Variants in PPP2R2B observed in about 807,000 individuals in gnomAD.
The protein encoded by PPP2R2B is serine/threonine-protein phosphatase 2A 55 kDa regulatory subunit B beta isoform.
In PPP2R2B, 5 loss-of-function variants were observed where a neutral mutation model predicts 46.0. That is an observed-to-expected ratio of 0.11 (90% CI 0.06 to 0.23). The LOEUF (loss-of-function observed/expected upper bound fraction) is 0.23. PPP2R2B is among the 10% of genes least tolerant of loss of function. The pLI, the probability that PPP2R2B is intolerant of heterozygous loss-of-function variation, is 1.00. For synonymous variants in PPP2R2B, 215 were observed against 206.7 expected, an observed-to-expected ratio of 1.04 and a Z score of -0.34; for missense variants, 367 against 575.0, an observed-to-expected ratio of 0.64 and a Z score of 3.70.
chr5:147,026,012 C>T (rs1755510999), intron 1 of PPP2R2B, among the ~76,000 whole-genome samples: 1 of 152,084 alleles, frequency 6.6e-6, no homozygotes, highest in African/African-American at 2.4e-5. Context: ...GGAACTGGAA[C>T]TTTCATACAT....
intron 1 of PPP2R2B, among the ~76,000 whole-genome samples, chr5:146,896,677 T>C (rs767262255): frequency 6.5e-4 from 99 of 152,108 alleles, no homozygotes; most frequent in Middle Eastern, 3.2e-3. Flanking sequence ...TTTAAGCCCA[T>C]TTCTTTCTTC....
At chr5:146,809,544 G>A (rs565709114) in intron 2 of PPP2R2B, among the ~76,000 whole-genome samples, 1 of 152,236 alleles carries the variant, frequency 6.6e-6, no homozygotes, top group South Asian at 2.1e-4. Flanking sequence ...TTTAGAGGGA[G>A]TGGTCAGAGA....
At chr5:146,600,520 G>A in intron 7 of PPP2R2B, 60 bp from the exon 8 acceptor site, 1 of 1,539,234 alleles carries the variant, frequency 6.5e-7, no homozygotes, top group Non-Finnish European at 8.9e-7. Context: ...ACTCTAACAT[G>A]TTTGGACTGG....
chr5:146,920,235 G>A (rs768746340), intron 1 of PPP2R2B, among the ~76,000 whole-genome samples: 4 of 152,168 alleles, frequency 2.6e-5, no homozygotes, highest in Non-Finnish European at 4.4e-5. Context: ...TTTAAATTTA[G>A]TGGCAAAAGC....
At chr5:146,870,905 C>T (rs1009892437) in intron 2 of PPP2R2B, among the ~76,000 whole-genome samples, 9 of 152,210 alleles carry the variant, frequency 5.9e-5, no homozygotes, top group Admixed American at 5.2e-4. Flanking sequence ...CAGGATGACC[C>T]TTTCTCCAAA....
intron 2 of PPP2R2B, among the ~76,000 whole-genome samples, chr5:146,766,735 C>T (rs997036261): frequency 2.6e-5 from 4 of 152,018 alleles, no homozygotes; most frequent in East Asian, 1.9e-4. Flanking sequence ...ACCACAACAC[C>T]GTGGGCCCTA....
chr5:147,011,705 G>A (rs1250023652), intron 1 of PPP2R2B, among the ~76,000 whole-genome samples: 2 of 150,364 alleles, frequency 1.3e-5, no homozygotes, highest in Non-Finnish European at 3.0e-5. Context: ...TATGATATTG[G>A]CTGTGGGTTT....
At chr5:146,917,424 A>G (rs1230257640) in intron 1 of PPP2R2B, among the ~76,000 whole-genome samples, 3 of 152,192 alleles carry the variant, frequency 2.0e-5, no homozygotes, top group Non-Finnish European at 4.4e-5. Flanking sequence ...GTAAAAGGTC[A>G]TTCCTTGTAC....
At chr5:146,591,218 G>T in intron 9 of PPP2R2B, among the ~76,000 whole-genome samples, 1 of 152,138 alleles carries the variant, frequency 6.6e-6, no homozygotes, top group East Asian at 1.9e-4. Context: ...AGGAACTCTC[G>T]TGTATTTCTC....
chr5:146,642,407 C>T (rs894610044), intron 6 of PPP2R2B, among the ~76,000 whole-genome samples: 5 of 151,934 alleles, frequency 3.3e-5, no homozygotes, highest in African/African-American at 1.2e-4. Context: ...TTCCTAATCC[C>T]AAGTTTAGAA....
intron 3 of PPP2R2B, among the ~76,000 whole-genome samples, chr5:146,700,526 G>C (rs760331598): frequency 5.3e-5 from 8 of 152,248 alleles, no homozygotes; most frequent in Admixed American, 1.3e-4. Context: ...GTCACCTACA[G>C]TGATACTGTG....
intron 1 of PPP2R2B, among the ~76,000 whole-genome samples, chr5:146,908,372 A>T (rs1763068735): frequency 1.3e-5 from 2 of 152,190 alleles, no homozygotes; most frequent in South Asian, 4.1e-4. Flanking sequence ...CTCAACAGGC[A>T]CACATATTCT....
At chr5:146,603,666 T>C (rs1390795764) in intron 7 of PPP2R2B, among the ~76,000 whole-genome samples, 1 of 152,248 alleles carries the variant, frequency 6.6e-6, no homozygotes, top group East Asian at 1.9e-4. Context: ...CTTCCTTGGG[T>C]AATAGCATTT....
chr5:146,902,159 C>T (rs1460173939), intron 1 of PPP2R2B, among the ~76,000 whole-genome samples: 2 of 152,090 alleles, frequency 1.3e-5, no homozygotes, highest in African/African-American at 2.4e-5. Context: ...ATCTTCCTTG[C>T]CCCCAAAGTC....
chr5:146,857,102 G>A (rs527251186), intron 2 of PPP2R2B, among the ~76,000 whole-genome samples: 3 of 152,290 alleles, frequency 2.0e-5, no homozygotes, highest in African/African-American at 7.2e-5. Flanking sequence ...AGGATACTCA[G>A]CGTTTGGGGT....
In PPP2R2B at chr5:146,864,396, CAAAAAAAA is replaced by C. The variant is rs34780019; in HGVS notation, c.70+13598_70+13605del. Among the ~76,000 whole-genome samples, 252 of 31,304 alleles carry C rather than the reference CAAAAAAAA, an allele frequency of 8.1e-3. 1 individual carries two copies. Among genetic ancestry groups the C allele is most frequent in the African/African-American group, 0.03 (241 of 7,938 alleles). 20.5% of individuals were successfully genotyped at this position (31,304 alleles called of 152,430 possible). A position where few individuals can be genotyped will look rare whatever the true frequency, so the allele number is the denominator to read the frequency against. Reference sequence around the variant, plus strand: ...TCATTCAACCACACATAGTATTAACCAAAAAAAAAAAAAAAAAAAAAAAAAAGCACAGC... The same window carrying C: ...TCATTCAACCACACATAGTATTAACCAAAAAAAAAAAAAAAAAAGCACAGC... On this transcript the variant is annotated intron_variant, in intron 2 of 9. Coordinates refer to ENST00000394411, the MANE Select transcript of PPP2R2B (RefSeq NM_181675.4).
At chr5:146,895,378 T>C (rs1356257185) in intron 1 of PPP2R2B, among the ~76,000 whole-genome samples, 2 of 152,246 alleles carry the variant, frequency 1.3e-5, no homozygotes, top group African/African-American at 4.8e-5. Flanking sequence ...TCTATGTCTA[T>C]GAATGTTTAT....
intron 2 of PPP2R2B, among the ~76,000 whole-genome samples, chr5:146,732,580 C>T (rs1042044261): frequency 2.6e-5 from 4 of 152,162 alleles, no homozygotes; most frequent in African/African-American, 9.6e-5. Context: ...AAACCATGCT[C>T]ATGGTAAAAC....
chr5:146,890,127 C>T (rs967259716), intron 1 of PPP2R2B, among the ~76,000 whole-genome samples: 1 of 152,204 alleles, frequency 6.6e-6, no homozygotes, highest in African/African-American at 2.4e-5. Context: ...ATTAAGTTGG[C>T]TTAACTCTCC....
Sources: gnomAD v4.1 joint callset for allele counts (sites outside exome capture counted in the v4.1 genomes callset) on GRCh38, gnomAD v4.1.1 for gene constraint, MANE v1.5 for transcripts, NCBI Gene and HGNC (gene_info 2026-07-23, HGNC 2026-07-21) for gene names.